Variants in SEPTIN9 observed in about 807,000 individuals in gnomAD.
The protein encoded by SEPTIN9 is septin-9.
SEPTIN9 carries 13 observed loss-of-function variants against 56.6 expected under a neutral mutation model. That is an observed-to-expected ratio of 0.23 (90% CI 0.15 to 0.37). The LOEUF (loss-of-function observed/expected upper bound fraction) is 0.37, where lower values mean the gene tolerates loss of function less well. Ranked by LOEUF, SEPTIN9 falls within the 10% of genes least tolerant of loss-of-function variation. The probability of loss-of-function intolerance (pLI) is 1.00; values close to 1 mark genes in which losing one functional copy is unlikely to be tolerated. For missense variants in SEPTIN9, 650 were observed against 823.1 expected (o/e 0.79, Z 2.57); for synonymous variants, 332 against 334.1 (o/e 0.99, Z 0.07).
At chr17:77,454,441 C>T in intron 3 of SEPTIN9, 1 of 895,560 alleles carries the variant, frequency 1.1e-6, no homozygotes. Flanking sequence ...CGGCCATGCC[C>T]AGTCCGCTGT....
In SEPTIN9 at chr17:77,419,027, A is replaced by G. The variant is rs1471487456; in HGVS notation, c.721+16324A>G. On this transcript the variant is annotated intron_variant, in intron 3 of 11. Coordinates refer to ENST00000427177, the MANE Select transcript of SEPTIN9 (RefSeq NM_001113491.2). ...CTCCCAAAGCCCAGCCTGAAGCCTT[A>G]GGCACCCTACAACCTGCTTCCTCTA... Among the ~76,000 whole-genome samples the G allele has an allele frequency of 2.0e-5, 3 of 152,146 alleles. No individual in the cohort carries two copies. In the East Asian group the frequency reaches 5.8e-4, roughly 29 times the overall value.
intron 3 of SEPTIN9, among the ~76,000 whole-genome samples, chr17:77,460,627 C>T (rs932192858): frequency 4.6e-5 from 7 of 152,150 alleles, no homozygotes; most frequent in Admixed American, 2.0e-4. Context: ...CAGGAAACCG[C>T]GGGGGCCACC....
chr17:77,297,616 G>A (rs1048406826), intron 1 of SEPTIN9, among the ~76,000 whole-genome samples: 18 of 152,310 alleles, frequency 1.2e-4, no homozygotes, highest in African/African-American at 2.4e-4. Flanking sequence ...ACAAGCCATC[G>A]TTCTTTCAGG....
intron 2 of SEPTIN9, among the ~76,000 whole-genome samples, chr17:77,335,163 T>C (rs541835638): frequency 3.9e-3 from 592 of 152,050 alleles, no homozygotes; most frequent in African/African-American, 0.013. Context: ...TGACTGTATA[T>C]GTGGTCCTAT....
At chr17:77,393,037 C>T (rs1441250179) in intron 2 of SEPTIN9, among the ~76,000 whole-genome samples, 1 of 152,172 alleles carries the variant, frequency 6.6e-6, no homozygotes, top group Non-Finnish European at 1.5e-5. Flanking sequence ...CCTCCTCCAC[C>T]AAGCAGCCCA....
intron 2 of SEPTIN9, among the ~76,000 whole-genome samples, chr17:77,343,739 G>C (rs1164389953): frequency 6.6e-6 from 1 of 152,152 alleles, no homozygotes; most frequent in Non-Finnish European, 1.5e-5. Context: ...CTGAATTGCA[G>C]GACACCCAGT....
chr17:77,482,167 G>A lies in SEPTIN9; in HGVS notation c.745G>A (p.Val249Ile), dbSNP rs766525150. 1.2e-5 allele frequency: 19 copies of A among 1,593,774 alleles called. No homozygotes were observed. The highest frequency in any genetic ancestry group is 6.8e-5 in the East Asian group (3 of 43,886). Residue 249 changes from valine (V) to isoleucine (I), a missense_variant, in exon 4 of 12, where the codon GTT becomes ATT. This residue lies in a region of SEPTIN9 where 333 missense variants were observed against 494.0 expected (regional missense o/e 0.67). Coordinates refer to ENST00000427177, the MANE Select transcript of SEPTIN9 (RefSeq NM_001113491.2). Reference protein sequence around the residue: ...QEATEAAPSCVGDMADTPRDA... With the variant: ...QEATEAAPSCIGDMADTPRDA... ...AGCCACTGAGGCGGCTCCCAGCTGCGTTGGCGACATGGCCGACACCCCCAG... is the reference window on the plus strand; with the variant it reads ...AGCCACTGAGGCGGCTCCCAGCTGCATTGGCGACATGGCCGACACCCCCAG...
intron 10 of SEPTIN9, chr17:77,497,084 C>A (rs2040300035): frequency 1.3e-5 from 8 of 607,710 alleles, no homozygotes; most frequent in Non-Finnish European, 2.4e-5. Context: ...AGGAGCTGAG[C>A]TGTCCAGGAG....
At chr17:77,357,059 C>T (rs567665479) in intron 2 of SEPTIN9, among the ~76,000 whole-genome samples, 1 of 151,950 alleles carries the variant, frequency 6.6e-6, no homozygotes, top group Admixed American at 6.6e-5. Context: ...CCTCTCTGGA[C>T]AGGCAGACAA....
At chr17:77,382,676 A>G (rs754783116) in intron 2 of SEPTIN9, among the ~76,000 whole-genome samples, 6 of 152,244 alleles carry the variant, frequency 3.9e-5, no homozygotes, top group Non-Finnish European at 5.9e-5. Context: ...GGCCTCCACC[A>G]GAAAACCTCA....
intron 2 of SEPTIN9, among the ~76,000 whole-genome samples, chr17:77,378,422 G>A (rs1268025604): frequency 6.6e-6 from 1 of 152,190 alleles, no homozygotes; most frequent in Non-Finnish European, 1.5e-5. Flanking sequence ...GGGTTGCTGG[G>A]GGACTCTGAG....
At chr17:77,296,402 CACAG>C (rs772844460) in intron 1 of SEPTIN9, among the ~76,000 whole-genome samples, 54 of 152,108 alleles carry the variant, frequency 3.6e-4, no homozygotes, top group Middle Eastern at 3.4e-3. Context: ...GACAGGCAGA[CACAG>C]ACAGACAGGC....
intron 3 of SEPTIN9, chr17:77,428,975 G>A (rs1453757712): frequency 2.1e-6 from 1 of 470,534 alleles, no homozygotes; most frequent in Non-Finnish European, 4.4e-6. Context: ...TATACAGTCA[G>A]TGTATAATAA....
chr17:77,340,614 G>A (rs910202762), intron 2 of SEPTIN9, among the ~76,000 whole-genome samples: 3 of 152,178 alleles, frequency 2.0e-5, no homozygotes, highest in Admixed American at 1.3e-4. Context: ...CAACAGCTGC[G>A]TTAGCCTCTC....
chr17:77,361,682 G>C (rs957820759), intron 2 of SEPTIN9, among the ~76,000 whole-genome samples: 2 of 151,814 alleles, frequency 1.3e-5, no homozygotes, highest in Non-Finnish European at 2.9e-5. Flanking sequence ...GCCCAGGCTG[G>C]AGTGCAGTGG....
At position 77,327,009 on chromosome 17, in the gene SEPTIN9, T is replaced by C. The variant is rs2033165162; in HGVS notation, c.76+19812T>C. 6.6e-6 allele frequency among the ~76,000 whole-genome samples: 1 copy of C among 152,082 alleles called. No homozygotes were observed. The highest frequency in any genetic ancestry group is 6.5e-5 in the Admixed American group (1 of 15,276). ...ACCTTGCCCTACACATCTCTTCCCC[T>C]GTATCCTTTGTAATATCCTTTATAA... On this transcript the variant is annotated intron_variant, in intron 2 of 11. Coordinates refer to ENST00000427177, the MANE Select transcript of SEPTIN9 (RefSeq NM_001113491.2). The surrounding 1 kb of genome is among the most constrained non-coding windows in gnomAD (Gnocchi z 5.0).
At chr17:77,473,708 C>T (rs867675098) in intron 3 of SEPTIN9, among the ~76,000 whole-genome samples, 4 of 152,188 alleles carry the variant, frequency 2.6e-5, no homozygotes, top group South Asian at 4.1e-4. Flanking sequence ...CAAATCTGTC[C>T]GGAAGTCTCG....
chr17:77,482,464 G>A lies in SEPTIN9; in HGVS notation c.913+129G>A, dbSNP rs751071616. On this transcript the variant is annotated intron_variant, in intron 4 of 11. Transcript: ENST00000427177. ...GGGCAGCAACCCTGACCTCAAGGAC[G>A]GATTGCCAGTGACATTGCGTGTGCA... 29 of 944,322 alleles carry A rather than the reference G, an allele frequency of 3.1e-5. No individual in the cohort carries two copies. In the Admixed American group the frequency reaches 4.6e-4, roughly 15 times the overall value. The allele number at this position is 944,322 out of a possible 1,614,324, so 58.5% of individuals were successfully genotyped here. A position where few individuals can be genotyped will look rare whatever the true frequency, so the allele number is the denominator to read the frequency against.
intron 1 of SEPTIN9, chr17:77,288,055 G>A: frequency 9.4e-7 from 1 of 1,062,902 alleles, no homozygotes; most frequent in Non-Finnish European, 1.1e-6. Context: ...CCCCAGAAGT[G>A]CTGGGTTAGG....
Sources: gnomAD v4.1 joint callset for allele counts (sites outside exome capture counted in the v4.1 genomes callset) on GRCh38, gnomAD v4.1.1 for gene constraint, gnomAD v4.1.1 regional missense constraint, Gnocchi (gnomAD v3.1) non-coding constraint, MANE v1.5 for transcripts, NCBI Gene and HGNC (gene_info 2026-07-23, HGNC 2026-07-21) for gene names.